Variants in EPHA6 observed in about 807,000 individuals in gnomAD.
The protein encoded by EPHA6 is EPH receptor A6.
A neutral mutation model predicts 112.0 loss-of-function variants in EPHA6; 50 were observed. The ratio of observed to expected loss-of-function variants is 0.45; its 90% CI spans 0.36 to 0.56. The LOEUF (loss-of-function observed/expected upper bound fraction) is 0.56, where lower values mean the gene tolerates loss of function less well. EPHA6 is among the 20% of genes least tolerant of loss of function. EPHA6 has a pLI of 0.00. For synonymous variants in EPHA6, 529 were observed against 490.7 expected (o/e 1.08, Z -1.03); for missense variants, 1,280 against 1,417.4 (o/e 0.90, Z 1.56).
chr3:97,218,092 C>T (rs974590545), intron 3 of EPHA6, among the ~76,000 whole-genome samples: 5 of 151,938 alleles, frequency 3.3e-5, no homozygotes, highest in African/African-American at 1.2e-4. Flanking sequence ...AACAATATGG[C>T]AAAACCCCCT....
intron 14 of EPHA6, among the ~76,000 whole-genome samples, chr3:97,640,079 A>G (rs992237127): frequency 6.6e-6 from 1 of 152,170 alleles, no homozygotes; most frequent in Non-Finnish European, 1.5e-5. Context: ...ACAGGTTAGA[A>G]GGTTCATGCT....
chr3:96,909,971 A>G (rs2039132747), intron 2 of EPHA6, among the ~76,000 whole-genome samples: 1 of 151,954 alleles, frequency 6.6e-6, no homozygotes, highest in Non-Finnish European at 1.5e-5. Flanking sequence ...TGGTGCTGTG[A>G]CTGGCCATTT....
chr3:97,740,231 T>A lies in EPHA6; in HGVS notation c.3128+4113T>A, dbSNP rs140845643. On this transcript the variant is annotated intron_variant, in intron 16 of 17. Transcript: ENST00000389672. The stretch of plus-strand genomic sequence containing the variant: ...CCCCTGATTACTCCACACATGGAAG[T>A]CTACTGAGTGCACCAGGCTGTAGTC... 3.7e-4 allele frequency among the ~76,000 whole-genome samples: 57 copies of A among 152,260 alleles called. No homozygotes were observed. The East Asian group carries it at 0.011, about 28-fold the overall frequency.
chr3:97,366,584 C>T (rs1218656238), intron 5 of EPHA6, among the ~76,000 whole-genome samples: 2 of 151,430 alleles, frequency 1.3e-5, no homozygotes, highest in Non-Finnish European at 1.5e-5. Flanking sequence ...ATTAATAGCA[C>T]ATCACCATGG....
chr3:96,824,196 C>T (rs1477885756), intron 1 of EPHA6, among the ~76,000 whole-genome samples: 1 of 151,422 alleles, frequency 6.6e-6, no homozygotes, highest in African/African-American at 2.4e-5. Flanking sequence ...TTTCAAGAAC[C>T]CTATTAACCA....
chr3:97,287,606 A>G (rs1200925021), intron 5 of EPHA6, among the ~76,000 whole-genome samples: 124 of 152,210 alleles, frequency 8.1e-4, no homozygotes, highest in Non-Finnish European at 1.0e-4. Flanking sequence ...ATGTTTATTG[A>G]GAGTTTTTAT....
chr3:97,198,886 T>C (rs2077508737), intron 3 of EPHA6, among the ~76,000 whole-genome samples: 1 of 152,128 alleles, frequency 6.6e-6, no homozygotes, highest in South Asian at 2.1e-4. Flanking sequence ...ATATATATAA[T>C]TGCCTTCCAT....
At chr3:97,375,113 C>T (rs1245730820) in intron 5 of EPHA6, among the ~76,000 whole-genome samples, 1 of 152,142 alleles carries the variant, frequency 6.6e-6, no homozygotes, top group Non-Finnish European at 1.5e-5. Flanking sequence ...GGTTCTCTGT[C>T]ATTCCCCAGC....
In EPHA6 at chr3:97,239,841, A is replaced by T. The variant is rs979911981; in HGVS notation, c.1271-4111A>T. ...AGTAGACCCATGCAGTTCAAAATGC[A>T]TGTTGTTCAAGGGTCAACTGTACAT... is the stretch of plus-strand genomic sequence containing the variant. On this transcript the variant is annotated intron_variant, in intron 4 of 17. Coordinates refer to ENST00000389672, the MANE Select transcript of EPHA6 (RefSeq NM_001080448.3). Among the ~76,000 whole-genome samples the T allele has an allele frequency of 1.4e-4, 22 of 152,020 alleles. 1 individual carries two copies. Among genetic ancestry groups the T allele is most frequent in the Admixed American group, 1.1e-3 (17 of 15,220 alleles).
intron 1 of EPHA6, among the ~76,000 whole-genome samples, chr3:96,818,478 A>G (rs1262204781): frequency 1.3e-5 from 2 of 152,030 alleles, no homozygotes; most frequent in African/African-American, 4.8e-5. Context: ...GTGACAAACA[A>G]AATAAGCAAA....
intron 10 of EPHA6, among the ~76,000 whole-genome samples, chr3:97,511,096 A>G (rs1413266303): frequency 6.6e-6 from 1 of 152,132 alleles, no homozygotes; most frequent in Non-Finnish European, 1.5e-5. Flanking sequence ...AAGCCGGTGG[A>G]TCTTAGCTTT....
chr3:97,647,602 G>T (rs1001745756), intron 14 of EPHA6, among the ~76,000 whole-genome samples: 1 of 152,086 alleles, frequency 6.6e-6, no homozygotes, highest in African/African-American at 2.4e-5. Flanking sequence ...AATGATTAGG[G>T]TCCGCACCTA....
intron 11 of EPHA6, among the ~76,000 whole-genome samples, chr3:97,559,851 GTT>G (rs575731963): frequency 2.0e-4 from 30 of 151,932 alleles, no homozygotes; most frequent in Admixed American, 1.7e-3. Flanking sequence ...AGACAATAAA[GTT>G]TACCATATTT....
At chr3:97,561,294 A>G (rs1453213477) in intron 11 of EPHA6, among the ~76,000 whole-genome samples, 1 of 152,096 alleles carries the variant, frequency 6.6e-6, no homozygotes, top group Non-Finnish European at 1.5e-5. Context: ...ATTGACTGTA[A>G]ACTAAGCCTC....
chr3:97,183,593 T>C (rs1195849956), intron 3 of EPHA6, among the ~76,000 whole-genome samples: 1 of 152,162 alleles, frequency 6.6e-6, no homozygotes. Flanking sequence ...AGGTAGATTT[T>C]TCTTTGTCAA....
At chr3:97,277,229 G>A (rs1277461604) in intron 5 of EPHA6, among the ~76,000 whole-genome samples, 1 of 152,094 alleles carries the variant, frequency 6.6e-6, no homozygotes, top group Non-Finnish European at 1.5e-5. Flanking sequence ...CGAAAAGAGA[G>A]TCAGCGAAGG....
intron 5 of EPHA6, among the ~76,000 whole-genome samples, chr3:97,348,902 G>C (rs1398040815): frequency 6.6e-6 from 1 of 151,960 alleles, no homozygotes; most frequent in African/African-American, 2.4e-5. Context: ...CTTGGGTTTA[G>C]TTAGACTGCT....
chr3:96,851,097 C>T (rs2035356419), intron 1 of EPHA6, among the ~76,000 whole-genome samples: 1 of 151,984 alleles, frequency 6.6e-6, no homozygotes, highest in Admixed American at 6.6e-5. Flanking sequence ...ATTATTATGC[C>T]ATGGTGGGAA....
At chr3:97,563,167 G>A (rs890125538) in intron 11 of EPHA6, among the ~76,000 whole-genome samples, 1 of 152,064 alleles carries the variant, frequency 6.6e-6, no homozygotes, top group African/African-American at 2.4e-5. Context: ...ATAATGGATT[G>A]ACAGCTGCCA....
Sources: allele counts gnomAD v4.1 joint callset (sites outside exome capture counted in the v4.1 genomes callset), GRCh38; gene constraint gnomAD v4.1.1; transcripts MANE v1.5; gene names NCBI Gene and HGNC (gene_info 2026-07-23, HGNC 2026-07-21).